FCRLB: variants seen among roughly 807,000 people sequenced by gnomAD.
The protein encoded by FCRLB is Fc receptor-like B.
A neutral mutation model predicts 33.6 loss-of-function variants in FCRLB; 34 were observed. The ratio of observed to expected loss-of-function variants is 1.01; its 90% CI spans 0.77 to 1.35. The LOEUF (loss-of-function observed/expected upper bound fraction) is 1.35, where lower values mean the gene tolerates loss of function less well. FCRLB is among the 40% of genes most tolerant of loss of function. FCRLB has a pLI of 0.00. For missense variants in FCRLB, 560 were observed against 580.2 expected, an observed-to-expected ratio of 0.97 and a Z score of 0.36; for synonymous variants, 280 against 255.9, an observed-to-expected ratio of 1.09 and a Z score of -0.90.
chr1:161,726,394 A>G lies in FCRLB; in HGVS notation c.574+307A>G. 1.4e-6 allele frequency: 1 copy of G among 717,404 alleles called. No individual in the cohort carries two copies. Among genetic ancestry groups the G allele is most frequent in the Non-Finnish European group, 2.5e-6 (1 of 401,008 alleles). The allele number at this position is 717,404 out of a possible 1,614,324, so 44.4% of individuals were successfully genotyped here. A position where few individuals can be genotyped will look rare whatever the true frequency, so the allele number is the denominator to read the frequency against. ...GACTGGGACGAAGGAGCGACTCCCT[A>G]GCGTCCTGCAAGGCAGGCGCAGCGT... is the stretch of plus-strand genomic sequence containing the variant. On this transcript the variant is annotated intron_variant, in intron 6 of 7. Coordinates refer to ENST00000367948, the Ensembl canonical transcript of FCRLB. The surrounding 1 kb of genome is among the most constrained non-coding windows in gnomAD (Gnocchi z 5.2).
exon 6 of FCRLB, chr1:161,725,877 C>T (rs768412357): frequency 9.9e-6 from 16 of 1,614,174 alleles, no homozygotes; most frequent in Non-Finnish European, 1.4e-5. Context: ...GCCGCTAGTC[C>T]TGCGCTGCCG....
intron 5 of FCRLB, among the ~76,000 whole-genome samples, chr1:161,724,475 T>TA (rs1683476935): frequency 6.7e-6 from 1 of 150,292 alleles, no homozygotes; most frequent in Admixed American, 6.6e-5. Context: ...CGGGTGCCTG[T>TA]AGTCCCAGCT....
exon 5 of FCRLB, chr1:161,723,574 C>A (rs1173918816): frequency 6.2e-7 from 1 of 1,614,210 alleles, no homozygotes; most frequent in South Asian, 1.1e-5. Context: ...CGATGCCAGA[C>A]ACGGGGAGCA....
Position 161,726,061 on chromosome 1 carries a change from CCG to C in FCRLB, c.550_551del (p.Ala184Ter). ...CCGGTGGAGAGCGCGCCCATGTTCT[CCG>C]CTAAGGTGGCTGTGACAGTGCAAGG... On this transcript the variant is annotated frameshift_variant, in exon 6 of 8. Coordinates refer to ENST00000367948, the Ensembl canonical transcript of FCRLB. LOFTEE classifies it high-confidence loss of function. This position sits in a 1 kb window ranked among gnomAD's most constrained non-coding sequence, Gnocchi z 5.2. 1 of 1,611,824 alleles carries C rather than the reference CCG, an allele frequency of 6.2e-7. No homozygotes were observed. Among genetic ancestry groups the C allele is most frequent in the Non-Finnish European group, 8.5e-7 (1 of 1,178,506 alleles).
chr1:161,722,354 C>G (rs1162995272), intron 2 of FCRLB, among the ~76,000 whole-genome samples: 2 of 152,158 alleles, frequency 1.3e-5, no homozygotes, highest in African/African-American at 4.8e-5. Flanking sequence ...TCTGCTGGAG[C>G]CTGGGGTTCT....
At chr1:161,724,083 G>A (rs1683463661) in intron 5 of FCRLB, among the ~76,000 whole-genome samples, 1 of 152,126 alleles carries the variant, frequency 6.6e-6, no homozygotes, top group Non-Finnish European at 1.5e-5. Context: ...GTAAAGAAGG[G>A]ACAATAATAG....
intron 5 of FCRLB, among the ~76,000 whole-genome samples, chr1:161,725,330 A>C (rs1328354661): frequency 6.6e-6 from 1 of 152,204 alleles, no homozygotes; most frequent in Non-Finnish European, 1.5e-5. Context: ...CCACCAGGGA[A>C]GGCCTGTCCG....
At chr1:161,723,648 G>T (rs558577824) in intron 5 of FCRLB, 27 bp downstream of exon 5, 1 of 1,602,554 alleles carries the variant, frequency 6.2e-7, no homozygotes, top group Admixed American at 1.7e-5. Context: ...CGAGGGGAGG[G>T]GGAGCACGTG....
chr1:161,722,916 T>G, intron 3 of FCRLB, 73 bp from the exon 4 acceptor site: 1 of 1,599,464 alleles, frequency 6.3e-7, no homozygotes, highest in Non-Finnish European at 8.6e-7. Context: ...GCCTTTCTTG[T>G]CGTCAAGAGT....
exon 8 of FCRLB, chr1:161,727,788 C>G: frequency 8.1e-7 from 1 of 1,238,386 alleles, no homozygotes; most frequent in Non-Finnish European, 1.1e-6. Flanking sequence ...AAGGAGCGCC[C>G]ACGAAGTGTA....
intron 1 of FCRLB, 27 bp downstream of exon 1, chr1:161,721,688 A>G (rs1321803147): frequency 6.6e-6 from 1 of 152,230 alleles, no homozygotes. Flanking sequence ...GTCCAAGGAG[A>G]CACACTATCA....
chr1:161,727,108 C>A, intron 7 of FCRLB, 115 bp downstream of exon 7: 1 of 1,252,200 alleles, frequency 8.0e-7, no homozygotes, highest in Non-Finnish European at 1.0e-6. Context: ...CCCGCCTTTC[C>A]CATCTCCCCT....
rs1333475729 is a variant in FCRLB at position 161,726,457 on chromosome 1, G to C, written c.575-246G>C. 2.7e-6 allele frequency: 2 copies of C among 729,670 alleles called. No individual in the cohort carries two copies. The highest frequency in any genetic ancestry group is 4.9e-6 in the Non-Finnish European group (2 of 410,626). 45.2% of individuals were successfully genotyped at this position (729,670 alleles called of 1,614,324 possible). A position where few individuals can be genotyped will look rare whatever the true frequency, so the allele number is the denominator to read the frequency against. On this transcript the variant is annotated intron_variant, in intron 6 of 7. Transcript: ENST00000367948. This position sits in a 1 kb window ranked among gnomAD's most constrained non-coding sequence, Gnocchi z 5.2. ...GCTGCAGAACCCGAGCTGAGTGTCA[G>C]TCGGGATGTGACATGAAGCGTCTGG...
Position 161,726,992 on chromosome 1 carries a change from G to A in FCRLB, c.864G>A (p.Pro288=), listed in dbSNP as rs11585450. Residue 288 remains proline (P), a splice_region_variant and synonymous_variant, in exon 7 of 8, where the codon CCG becomes CCA. Coordinates refer to ENST00000367948, the Ensembl canonical transcript of FCRLB. The surrounding 1 kb of genome is among the most constrained non-coding windows in gnomAD (Gnocchi z 5.2). ...GTCCGTGGCTGCAGCTCCCGGGGCC[G>A]GGTGAGTGCCTGCACACCCTCCCGG... 1 of 1,509,442 alleles carries A rather than the reference G, an allele frequency of 6.6e-7. No individual in the cohort carries two copies. Among genetic ancestry groups the A allele is most frequent in the Admixed American group, 2.2e-5 (1 of 46,070 alleles). 93.5% of individuals were successfully genotyped at this position (1,509,442 alleles called of 1,614,324 possible). A position where few individuals can be genotyped will look rare whatever the true frequency, so the allele number is the denominator to read the frequency against.
intron 7 of FCRLB, 71 bp downstream of exon 7, chr1:161,727,064 G>A: frequency 2.8e-6 from 4 of 1,408,896 alleles, no homozygotes; most frequent in Non-Finnish European, 3.7e-6. Flanking sequence ...CGGCACCCAC[G>A]AATCACCCCC....
chr1:161,723,933 C>G (rs1009130262), intron 5 of FCRLB, among the ~76,000 whole-genome samples: 1 of 152,082 alleles, frequency 6.6e-6, no homozygotes, highest in African/African-American at 2.4e-5. Flanking sequence ...GGACAGAGAA[C>G]TTTAGGGGGT....
Position 161,726,365 on chromosome 1 carries a change from G to A in FCRLB, c.574+278G>A. The stretch of plus-strand genomic sequence containing the variant: ...AGCTCTGGCAGGGGCAGGGGCCACT[G>A]TGGGACTGGGACGAAGGAGCGACTC... On this transcript the variant is annotated intron_variant, in intron 6 of 7. Transcript: ENST00000367948. This position sits in a 1 kb window ranked among gnomAD's most constrained non-coding sequence, Gnocchi z 5.2. 2 of 730,986 alleles carry A rather than the reference G, an allele frequency of 2.7e-6. 1 individual carries two copies. Among genetic ancestry groups the A allele is most frequent in the East Asian group, 5.4e-5 (2 of 36,706 alleles). 45.3% of individuals were successfully genotyped at this position (730,986 alleles called of 1,614,324 possible).
chr1:161,725,423 C>A (rs1015022254), intron 5 of FCRLB, among the ~76,000 whole-genome samples: 1 of 152,142 alleles, frequency 6.6e-6, no homozygotes, highest in Admixed American at 6.5e-5. Context: ...GGCGTATCAC[C>A]TGAGGTCAGG....
chr1:161,721,755 G>A (rs1683382400), exon 2 of FCRLB: 1 of 152,214 alleles, frequency 6.6e-6, no homozygotes, highest in Non-Finnish European at 1.5e-5. Flanking sequence ...CATTGCTCAG[G>A]TACGGTCACA....
Sources: allele counts gnomAD v4.1 joint callset (sites outside exome capture counted in the v4.1 genomes callset), GRCh38; gene constraint gnomAD v4.1.1; non-coding constraint Gnocchi (gnomAD v3.1); transcripts MANE v1.5; gene names NCBI Gene and HGNC (gene_info 2026-07-23, HGNC 2026-07-21).